Variants in DLG2 observed in about 807,000 individuals in gnomAD.
DLG2 encodes the protein disks large homolog 2.
In DLG2, 45 loss-of-function variants were observed where a neutral mutation model predicts 132.5. That is an observed-to-expected ratio of 0.34 (90% CI 0.27 to 0.44). The LOEUF is 0.44. Ranked by LOEUF, DLG2 falls within the 20% of genes least tolerant of loss-of-function variation. The pLI is 1.00. For missense variants in DLG2, 1,045 were observed against 1,196.9 expected, an observed-to-expected ratio of 0.87 and a Z score of 1.87; for synonymous variants, 424 against 419.6, an observed-to-expected ratio of 1.01 and a Z score of -0.13.
intron 6 of DLG2, among the ~76,000 whole-genome samples, chr11:84,554,807 C>A (rs2099408778): frequency 6.6e-6 from 1 of 151,998 alleles, no homozygotes; most frequent in Non-Finnish European, 1.5e-5. Flanking sequence ...CAAGAGAGCA[C>A]AAGAAGGAAC....
At chr11:84,111,484 T>C (rs796833313) in intron 9 of DLG2, among the ~76,000 whole-genome samples, 8 of 152,346 alleles carry the variant, frequency 5.3e-5, no homozygotes, top group African/African-American at 1.9e-4. Context: ...TTTCTCTCTC[T>C]CAATCTAATG....
At chr11:84,557,975 A>C (rs1048440942) in intron 6 of DLG2, among the ~76,000 whole-genome samples, 1 of 152,178 alleles carries the variant, frequency 6.6e-6, no homozygotes, top group African/African-American at 2.4e-5. Context: ...CCATACTCTC[A>C]GTAAAACCTG....
At chr11:83,895,145 C>CTTTTTTTTTTTTTTTTTTTTTTTTTTT (rs11287512) in intron 15 of DLG2, among the ~76,000 whole-genome samples, 1 of 87,902 alleles carries the variant, frequency 1.1e-5, no homozygotes, top group Non-Finnish European at 2.1e-5. Flanking sequence ...GAACTACTGT[C>CTTTTTTTTTTTTTTTTTTTTTTTTTTT]TTTTTTTTTT....
chr11:84,157,106 T>C (rs1455257653), intron 9 of DLG2, among the ~76,000 whole-genome samples: 1 of 152,178 alleles, frequency 6.6e-6, no homozygotes, highest in South Asian at 2.1e-4. Flanking sequence ...TGAGTAGATA[T>C]TTGATAGAAT....
intron 8 of DLG2, among the ~76,000 whole-genome samples, chr11:84,231,241 C>A (rs1370861296): frequency 6.6e-6 from 1 of 152,110 alleles, no homozygotes; most frequent in Non-Finnish European, 1.5e-5. Flanking sequence ...AAAAGGGAGC[C>A]TCAAGCTATG....
intron 11 of DLG2, among the ~76,000 whole-genome samples, chr11:84,021,731 T>G (rs1490310306): frequency 6.6e-6 from 1 of 152,018 alleles, no homozygotes. Flanking sequence ...TTTCACTTTT[T>G]TCTCATTGTT....
intron 6 of DLG2, among the ~76,000 whole-genome samples, chr11:84,539,141 C>G (rs764935353): frequency 1.3e-5 from 2 of 152,068 alleles, no homozygotes; most frequent in East Asian, 1.9e-4. Flanking sequence ...TCCATCATCA[C>G]CATATGAGAC....
intron 21 of DLG2, among the ~76,000 whole-genome samples, chr11:83,493,300 C>T (rs1345319858): frequency 6.6e-6 from 1 of 151,810 alleles, no homozygotes; most frequent in East Asian, 1.9e-4. Context: ...ATTGTGCTGG[C>T]CCTATTACTA....
chr11:83,933,297 T>C lies in DLG2; in HGVS notation c.1341-2814A>G, dbSNP rs1374599674. ...TGCCAGAATGGCCTAGGTCAGAAGG[T>C]AGTGAATATGAAAATCCAACCCAAG... On this transcript the variant is annotated intron_variant, in intron 14 of 27. Transcript: ENST00000376104. 3.9e-5 allele frequency among the ~76,000 whole-genome samples: 6 copies of C among 152,264 alleles called. No homozygotes were observed. In the East Asian group the frequency reaches 9.7e-4, roughly 24 times the overall value.
intron 19 of DLG2, among the ~76,000 whole-genome samples, chr11:83,590,343 A>C (rs1002266488): frequency 1.3e-5 from 2 of 152,226 alleles, no homozygotes; most frequent in African/African-American, 4.8e-5. Context: ...ATCTCACTCA[A>C]AACCGCTCAA....
At chr11:84,032,980 C>A (rs377098484) in intron 11 of DLG2, among the ~76,000 whole-genome samples, 56 of 152,202 alleles carry the variant, frequency 3.7e-4, no homozygotes, top group African/African-American at 1.3e-3. Flanking sequence ...ATGCACTGGT[C>A]AGAAAAAAAG....
chr11:85,014,586 G>T (rs2059413475), intron 6 of DLG2, among the ~76,000 whole-genome samples: 1 of 152,174 alleles, frequency 6.6e-6, no homozygotes, highest in South Asian at 2.1e-4. Context: ...CCATGGTAAG[G>T]TAGCTATTTC....
intron 6 of DLG2, among the ~76,000 whole-genome samples, chr11:84,867,060 G>A (rs538260326): frequency 6.6e-6 from 1 of 152,300 alleles, no homozygotes; most frequent in East Asian, 1.9e-4. Context: ...GTTCAGCTCA[G>A]TTTAGCTAAA....
intron 6 of DLG2, among the ~76,000 whole-genome samples, chr11:84,699,018 T>C (rs2058918041): frequency 6.6e-6 from 1 of 151,560 alleles, no homozygotes; most frequent in Non-Finnish European, 1.5e-5. Context: ...TCCATTACAA[T>C]TGTCTGCTTG....
At chr11:85,184,141 T>C (rs1235302162) in intron 4 of DLG2, among the ~76,000 whole-genome samples, 1 of 151,890 alleles carries the variant, frequency 6.6e-6, no homozygotes, top group Non-Finnish European at 1.5e-5. Context: ...TTGTTCAGAT[T>C]ATAATTATGT....
chr11:85,557,188 C>T (rs1012883180), intron 3 of DLG2, among the ~76,000 whole-genome samples: 6 of 151,682 alleles, frequency 4.0e-5, no homozygotes, highest in African/African-American at 9.7e-5. Context: ...ATCAAGAACT[C>T]ATTCCCCTTT....
chr11:85,410,641 T>C (rs993101900), intron 3 of DLG2, among the ~76,000 whole-genome samples: 1 of 151,826 alleles, frequency 6.6e-6, no homozygotes, highest in Non-Finnish European at 1.5e-5. Context: ...GTTTAATGAA[T>C]GAAGTATTTG....
chr11:85,316,753 A>G (rs1252090496), intron 3 of DLG2, among the ~76,000 whole-genome samples: 1 of 151,926 alleles, frequency 6.6e-6, no homozygotes, highest in Non-Finnish European at 1.5e-5. Flanking sequence ...CAGAAGAAAA[A>G]AAACAGGTAA....
intron 3 of DLG2, among the ~76,000 whole-genome samples, chr11:85,529,082 T>C (rs745322588): frequency 3.3e-5 from 5 of 152,194 alleles, no homozygotes; most frequent in African/African-American, 7.2e-5. Flanking sequence ...TCTACGTGTA[T>C]TTTAGAATCA....
Sources: gnomAD v4.1 joint callset for allele counts (sites outside exome capture counted in the v4.1 genomes callset) on GRCh38, gnomAD v4.1.1 for gene constraint, MANE v1.5 for transcripts, NCBI Gene and HGNC (gene_info 2026-07-23, HGNC 2026-07-21) for gene names.